ATXN7: variants seen among roughly 807,000 people sequenced by gnomAD.
ATXN7 encodes the protein ataxin-7.
A neutral mutation model predicts 70.5 loss-of-function variants in ATXN7; 12 were observed. The ratio of observed to expected loss-of-function variants is 0.17; its 90% CI spans 0.11 to 0.28. The LOEUF (loss-of-function observed/expected upper bound fraction) is 0.28, where lower values mean the gene tolerates loss of function less well. Among genes scored for constraint, ATXN7 ranks in the 10% least tolerant of loss-of-function variants. The pLI, the probability that ATXN7 is intolerant of heterozygous loss-of-function variation, is 1.00. For missense variants in ATXN7, 1,256 were observed against 1,131.7 expected, an observed-to-expected ratio of 1.11 and a Z score of -1.58; for synonymous variants, 498 against 448.7, an observed-to-expected ratio of 1.11 and a Z score of -1.39.
intron 4 of ATXN7, among the ~76,000 whole-genome samples, chr3:63,925,258 G>T (rs1022489834): frequency 2.0e-5 from 3 of 152,102 alleles, no homozygotes; most frequent in East Asian, 1.9e-4. Context: ...AAGGATACAG[G>T]GATACAGCCA....
intron 6 of ATXN7, chr3:63,980,406 A>T: frequency 1.8e-6 from 1 of 562,776 alleles, no homozygotes; most frequent in Admixed American, 3.1e-5. Context: ...TGTGCTAGCT[A>T]CTGAAACCTA....
chr3:63,989,854 G>T (rs1188255027), intron 9 of ATXN7, among the ~76,000 whole-genome samples: 3 of 152,150 alleles, frequency 2.0e-5, no homozygotes, highest in Non-Finnish European at 2.9e-5. Context: ...AGGAATCAAA[G>T]AATTCTGTTA....
intron 12 of ATXN7, chr3:63,998,403 T>G (rs1046702207): frequency 1.0e-6 from 1 of 985,278 alleles, no homozygotes. Context: ...CACTTTTTTT[T>G]CTCTTCTTAA....
chr3:63,941,439 G>T (rs1039967909), intron 4 of ATXN7, among the ~76,000 whole-genome samples: 9 of 152,168 alleles, frequency 5.9e-5, no homozygotes, highest in Admixed American at 5.2e-4. Flanking sequence ...AGGTATCTAG[G>T]TTGTGTGCTC....
intron 1 of ATXN7, among the ~76,000 whole-genome samples, chr3:63,879,522 C>G (rs998065617): frequency 4.1e-5 from 6 of 145,426 alleles, no homozygotes; most frequent in Non-Finnish European, 9.0e-5. Flanking sequence ...GAGTCTTGCT[C>G]TGTCACCCAG....
At position 63,863,900 on chromosome 3, in the gene ATXN7, A is replaced by C. The variant is rs1190001149; in HGVS notation, c.-369A>C. 2.7e-6 allele frequency: 3 copies of C among 1,101,692 alleles called. No individual in the cohort carries two copies. The highest frequency in any genetic ancestry group is 2.2e-6 in the Non-Finnish European group (2 of 906,680). 68.2% of individuals were successfully genotyped at this position (1,101,692 alleles called of 1,614,324 possible). On this transcript the variant is annotated 5_prime_UTR_variant, in exon 1 of 13. Transcript: ENST00000674280. ...GCCGGGTAAACAGCCATGGAGGAGG[A>C]GGCGGCGGCGCCCGCGGCCGCCTGC... is the stretch of plus-strand genomic sequence containing the variant.
Position 63,913,206 on chromosome 3 carries a change from C to T in ATXN7, c.375C>T (p.Val125=). Residue 125 remains valine, a synonymous_variant, in exon 4 of 13, where the codon GTC becomes GTT. Transcript: ENST00000674280. ...SFKEFGKNRE[V]MGLCREDMPI... is the part of the protein sequence containing the mutation. ...AGGAGTTTGGGAAAAACCGCGAAGT[C>T]ATGGGGCTCTGTCGGGAAGGTGAGT... 2 of 1,613,924 alleles carry T rather than the reference C, an allele frequency of 1.2e-6. No individual in the cohort carries two copies. Among genetic ancestry groups the T allele is most frequent in the Non-Finnish European group, 8.5e-7 (1 of 1,179,980 alleles).
intron 8 of ATXN7, among the ~76,000 whole-genome samples, chr3:63,987,367 G>A (rs1262829192): frequency 6.6e-6 from 1 of 152,078 alleles, no homozygotes; most frequent in Non-Finnish European, 1.5e-5. Context: ...AAGACCCAGG[G>A]GTGTTGTCCA....
chr3:63,928,984 C>T (rs1261004254), intron 4 of ATXN7, among the ~76,000 whole-genome samples: 2 of 152,086 alleles, frequency 1.3e-5, no homozygotes, highest in African/African-American at 4.8e-5. Flanking sequence ...CTTGAGTGTG[C>T]ATATTAGTCC....
rs1430087820 is a variant in ATXN7 at position 63,944,228 on chromosome 3, C to A, written c.395-8151C>A. Among the ~76,000 whole-genome samples the A allele has an allele frequency of 3.3e-5, 5 of 152,142 alleles. No homozygotes were observed. The East Asian group carries it at 9.6e-4, about 29-fold the overall frequency. On this transcript the variant is annotated intron_variant, in intron 4 of 12. Transcript: ENST00000674280. ...CCTGAAACTGAGGGTAGTACTGAAT[C>A]CTATATATACTGTTTTTTCCTGTAC...
chr3:63,958,823 G>A (rs921514561), intron 5 of ATXN7, among the ~76,000 whole-genome samples: 1 of 152,058 alleles, frequency 6.6e-6, no homozygotes, highest in African/African-American at 2.4e-5. Context: ...GATCAAAGTC[G>A]TAAATTAAAT....
At chr3:63,907,722 C>T (rs530815073) in intron 2 of ATXN7, among the ~76,000 whole-genome samples, 2 of 151,438 alleles carry the variant, frequency 1.3e-5, no homozygotes, top group East Asian at 1.9e-4. Flanking sequence ...GCTGGGATTA[C>T]AGGCATCAGA....
At chr3:63,945,470 C>T (rs1250616881) in intron 4 of ATXN7, among the ~76,000 whole-genome samples, 2 of 152,206 alleles carry the variant, frequency 1.3e-5, no homozygotes, top group African/African-American at 4.8e-5. Flanking sequence ...ACTTGAACTT[C>T]TCTGTCACTG....
intron 5 of ATXN7, among the ~76,000 whole-genome samples, chr3:63,962,782 T>G (rs2075152000): frequency 6.6e-6 from 1 of 152,092 alleles, no homozygotes; most frequent in South Asian, 2.1e-4. Flanking sequence ...CTAATAGGCC[T>G]TTTTCTGGGT....
At chr3:63,939,727 T>C (rs927107726) in intron 4 of ATXN7, among the ~76,000 whole-genome samples, 6 of 152,046 alleles carry the variant, frequency 3.9e-5, no homozygotes, top group Admixed American at 3.3e-4. Flanking sequence ...TTTCAACCTC[T>C]CCTCCCCAAC....
intron 2 of ATXN7, chr3:63,905,285 A>C (rs1006236780): frequency 1.2e-4 from 18 of 152,282 alleles, no homozygotes; most frequent in African/African-American, 4.3e-4. Flanking sequence ...ATCTGGGCTC[A>C]CTGCAACCTC....
intron 1 of ATXN7, among the ~76,000 whole-genome samples, chr3:63,892,374 CCACACACACACACACACA>C (rs56293497): frequency 3.7e-5 from 5 of 133,478 alleles, no homozygotes; most frequent in African/African-American, 1.1e-4. Context: ...GACACCTCTA[CCACACACACACACACACA>C]CACACACACA....
intron 1 of ATXN7, among the ~76,000 whole-genome samples, chr3:63,875,384 G>A (rs1467746717): frequency 6.6e-6 from 1 of 152,148 alleles, no homozygotes. Flanking sequence ...GAGCCACTGT[G>A]CCCAGCCTAG....
intron 4 of ATXN7, among the ~76,000 whole-genome samples, chr3:63,929,885 G>T (rs893227431): frequency 9.2e-5 from 14 of 152,150 alleles, no homozygotes; most frequent in African/African-American, 3.4e-4. Flanking sequence ...TCTGACCGCA[G>T]AGCCTGTCCC....
Sources: allele counts gnomAD v4.1 joint callset (sites outside exome capture counted in the v4.1 genomes callset), GRCh38; gene constraint gnomAD v4.1.1; transcripts MANE v1.5; gene names NCBI Gene and HGNC (gene_info 2026-07-23, HGNC 2026-07-21).